PREX2: variants seen among roughly 807,000 people sequenced by gnomAD.
PREX2 encodes the protein phosphatidylinositol-3,4,5-trisphosphate dependent Rac exchange factor 2.
Under a neutral mutation model 203.2 loss-of-function variants are expected in PREX2, and 107 were observed. That is an observed-to-expected ratio of 0.53 (90% CI 0.45 to 0.62). PREX2 has a LOEUF of 0.62. Ranked by LOEUF, PREX2 falls within the 20% of genes least tolerant of loss-of-function variation. The pLI, the probability that PREX2 is intolerant of heterozygous loss-of-function variation, is 0.00. For missense variants in PREX2, 1,777 were observed against 1,955.9 expected (o/e 0.91, Z 1.72); for synonymous variants, 672 against 663.6 (o/e 1.01, Z -0.19).
intron 1 of PREX2, among the ~76,000 whole-genome samples, chr8:68,016,355 T>C (rs1807409108): frequency 1.3e-5 from 2 of 152,234 alleles, no homozygotes; most frequent in African/African-American, 4.8e-5. Flanking sequence ...CCAGACAGTA[T>C]TTTATAGACA....
chr8:68,224,334 G>T (rs901376496), intron 38 of PREX2, among the ~76,000 whole-genome samples: 9 of 152,104 alleles, frequency 5.9e-5, no homozygotes, highest in African/African-American at 2.2e-4. Context: ...AACATCTGAA[G>T]TATTGATCGC....
At chr8:68,072,597 G>T in intron 14 of PREX2, 27 bp downstream of exon 14, 1 of 1,274,674 alleles carries the variant, frequency 7.8e-7, no homozygotes, top group South Asian at 1.2e-5. Context: ...AAGTTGCTGA[G>T]TTTCACTTGC....
intron 5 of PREX2, among the ~76,000 whole-genome samples, chr8:68,029,630 A>G (rs376489017): frequency 1.3e-5 from 2 of 152,294 alleles, no homozygotes; most frequent in East Asian, 3.9e-4. Flanking sequence ...GACTTGCCTC[A>G]GGATTTCTGT....
chr8:68,140,248 C>G (rs959361122), intron 33 of PREX2, among the ~76,000 whole-genome samples: 2 of 152,278 alleles, frequency 1.3e-5, no homozygotes. Flanking sequence ...CAGATACAGG[C>G]ATTCTGAATA....
intron 1 of PREX2, among the ~76,000 whole-genome samples, chr8:67,975,233 G>A (rs542646846): frequency 7.0e-6 from 1 of 142,754 alleles, no homozygotes; most frequent in Non-Finnish European, 1.5e-5. Flanking sequence ...AAATTATAAT[G>A]AACCAATGGA....
At position 68,070,017 on chromosome 8, in the gene PREX2, G is replaced by A. The variant is rs530374882; in HGVS notation, c.1493+133G>A. On this transcript the variant is annotated intron_variant, in intron 13 of 39. Coordinates refer to ENST00000288368, the MANE Select transcript of PREX2 (RefSeq NM_024870.4). The stretch of plus-strand genomic sequence containing the variant: ...CTTTACTTTAAAATATTATTTTAAG[G>A]AATAATTTATTGTAAAATATCCCTA... 1.7e-3 allele frequency: 754 copies of A among 445,222 alleles called. 7 individuals are homozygous for A. The highest frequency in any genetic ancestry group is 0.013 in the African/African-American group (662 of 49,122). The allele number at this position is 445,222 out of a possible 1,614,324, so 27.6% of individuals were successfully genotyped here.
At chr8:68,032,453 A>G (rs942950245) in intron 6 of PREX2, among the ~76,000 whole-genome samples, 1 of 152,202 alleles carries the variant, frequency 6.6e-6, no homozygotes, top group Non-Finnish European at 1.5e-5. Context: ...AAAGACAGCC[A>G]TACAGAGATT....
Position 68,129,167 on chromosome 8 carries a change from G to A in PREX2, c.3766+1748G>A, listed in dbSNP as rs145602189. The stretch of plus-strand genomic sequence containing the variant: ...CACATAGTATACAGTCAACACTGAC[G>A]TTGGAGCATCTAGAAGGTTAGGCAT... On this transcript the variant is annotated intron_variant, in intron 31 of 39. Coordinates refer to ENST00000288368, the MANE Select transcript of PREX2 (RefSeq NM_024870.4). Among the ~76,000 whole-genome samples the A allele has an allele frequency of 1.4e-4, 22 of 152,284 alleles. No homozygotes were observed. The East Asian group carries it at 3.1e-3, about 21-fold the overall frequency.
At chr8:68,033,595 C>T (rs1018880473) in intron 6 of PREX2, among the ~76,000 whole-genome samples, 4 of 152,108 alleles carry the variant, frequency 2.6e-5, no homozygotes, top group African/African-American at 9.7e-5. Context: ...GGTGTCTAGG[C>T]AGCTGAAACT....
At chr8:67,979,900 C>T (rs1453793435) in intron 1 of PREX2, among the ~76,000 whole-genome samples, 1 of 152,166 alleles carries the variant, frequency 6.6e-6, no homozygotes, top group African/African-American at 2.4e-5. Context: ...AGACCTAACT[C>T]TTCCCTGGAG....
intron 33 of PREX2, among the ~76,000 whole-genome samples, 194 bp downstream of exon 33, chr8:68,138,711 T>C (rs565579387): frequency 2.6e-5 from 4 of 152,320 alleles, no homozygotes; most frequent in Admixed American, 2.0e-4. Context: ...AGTAGCAATA[T>C]GTATGGTTTA....
intron 15 of PREX2, among the ~76,000 whole-genome samples, chr8:68,079,682 G>A (rs1357115088): frequency 6.6e-6 from 1 of 152,106 alleles, no homozygotes; most frequent in Non-Finnish European, 1.5e-5. Context: ...TTTGACAGCT[G>A]TCAGGATCTC....
chr8:68,058,634 C>T (rs1208990382), intron 10 of PREX2, among the ~76,000 whole-genome samples: 1 of 152,052 alleles, frequency 6.6e-6, no homozygotes, highest in African/African-American at 2.4e-5. Context: ...AGAGTTTCAC[C>T]ATATTGGCCA....
intron 30 of PREX2, among the ~76,000 whole-genome samples, chr8:68,123,312 A>T (rs1810817321): frequency 6.6e-6 from 1 of 152,076 alleles, no homozygotes; most frequent in Admixed American, 6.6e-5. Flanking sequence ...TAAACCTAAC[A>T]CCACAACCAA....
chr8:68,105,353 C>T (rs763396634), intron 23 of PREX2: 97 of 1,366,256 alleles, frequency 7.1e-5, no homozygotes, highest in Non-Finnish European at 8.9e-5. Flanking sequence ...CAGAGAGGGC[C>T]CCTGTCTGAT....
intron 37 of PREX2, among the ~76,000 whole-genome samples, chr8:68,211,206 T>C (rs1812736288): frequency 6.6e-6 from 1 of 152,214 alleles, no homozygotes; most frequent in Admixed American, 6.5e-5. Context: ...AAGAATGTTA[T>C]CAGCAAATGC....
chr8:68,081,256 C>T (rs114215626), intron 17 of PREX2, among the ~76,000 whole-genome samples: 2,619 of 152,164 alleles, frequency 0.017, 84 homozygotes, highest in African/African-American at 0.06. Flanking sequence ...CAATTGGGTT[C>T]GCGCTCCTAT....
In PREX2 at chr8:68,001,637, G is replaced by A. The variant is rs114232205; in HGVS notation, c.142-16209G>A. ...ATAAAGCATTCTACCATAAAGATAC[G>A]TGCACATGTATGTTCACTGCATCAC... On this transcript the variant is annotated intron_variant, in intron 1 of 39. Coordinates refer to ENST00000288368, the MANE Select transcript of PREX2 (RefSeq NM_024870.4). Among the ~76,000 whole-genome samples the A allele has an allele frequency of 8.8e-3, 1,340 of 152,206 alleles. 14 individuals carry two copies. Among genetic ancestry groups the A allele is most frequent in the African/African-American group, 0.03 (1,239 of 41,524 alleles).
chr8:68,102,182 G>C (rs1426180175), intron 23 of PREX2, among the ~76,000 whole-genome samples: 1 of 152,102 alleles, frequency 6.6e-6, no homozygotes, highest in Non-Finnish European at 1.5e-5. Flanking sequence ...CATGTGTATG[G>C]ACTCTTCTCT....
Sources: allele counts gnomAD v4.1 joint callset (sites outside exome capture counted in the v4.1 genomes callset), GRCh38; gene constraint gnomAD v4.1.1; transcripts MANE v1.5; gene names NCBI Gene and HGNC (gene_info 2026-07-23, HGNC 2026-07-21).